BAIAP2L1: variants seen among roughly 807,000 people sequenced by gnomAD.
BAIAP2L1 encodes the protein BAR/IMD domain containing adaptor protein 2 like 1.
Under a neutral mutation model 66.3 loss-of-function variants are expected in BAIAP2L1, and 35 were observed. The ratio of observed to expected loss-of-function variants is 0.53; its 90% CI spans 0.40 to 0.70. The LOEUF is 0.70. Among genes scored for constraint, BAIAP2L1 ranks in the 30% least tolerant of loss-of-function variants. The pLI is 0.00. For missense variants in BAIAP2L1, 622 were observed against 656.9 expected (o/e 0.95, Z 0.58); for synonymous variants, 269 against 248.7 (o/e 1.08, Z -0.77).
chr7:98,300,138 G>A (rs1437466784), intron 12 of BAIAP2L1, among the ~76,000 whole-genome samples: 4 of 152,228 alleles, frequency 2.6e-5, no homozygotes, highest in Admixed American at 6.5e-5. Context: ...GTGCCCTGTG[G>A]CTGCTGGACT....
chr7:98,294,690 G>A (rs1294636510), intron 12 of BAIAP2L1, among the ~76,000 whole-genome samples: 1 of 152,232 alleles, frequency 6.6e-6, no homozygotes, highest in Non-Finnish European at 1.5e-5. Flanking sequence ...TAGTGACTGG[G>A]ATGTGCTTTT....
chr7:98,328,094 G>A (rs374788660), intron 3 of BAIAP2L1, among the ~76,000 whole-genome samples: 4 of 151,956 alleles, frequency 2.6e-5, no homozygotes, highest in African/African-American at 7.2e-5. Flanking sequence ...AGTCTAGAAT[G>A]GATTGCTCAA....
At chr7:98,345,973 G>T (rs1307227261) in intron 3 of BAIAP2L1, among the ~76,000 whole-genome samples, 2 of 152,102 alleles carry the variant, frequency 1.3e-5, no homozygotes, top group Non-Finnish European at 2.9e-5. Flanking sequence ...TGAATGGTTG[G>T]ATACGGTTGG....
chr7:98,299,447 C>T (rs975866906), intron 12 of BAIAP2L1, among the ~76,000 whole-genome samples: 7 of 152,176 alleles, frequency 4.6e-5, no homozygotes, highest in Non-Finnish European at 5.9e-5. Context: ...TGTGAGCCAC[C>T]GTGCCCGGCA....
At chr7:98,389,659 T>G (rs1337235164) in intron 1 of BAIAP2L1, among the ~76,000 whole-genome samples, 1 of 152,126 alleles carries the variant, frequency 6.6e-6, no homozygotes, top group Non-Finnish European at 1.5e-5. Flanking sequence ...GACAGGTTAT[T>G]ACCACGCTTG....
chr7:98,400,786 C>T lies in BAIAP2L1; in HGVS notation c.51+16G>A, dbSNP rs1357814830. Reference sequence around the variant, plus strand: ...GGAAAGCCCTGACCTCCCTGAGCCCCGGGCCCTGGGCTTACCCGGTAGGTG... The same window carrying T: ...GGAAAGCCCTGACCTCCCTGAGCCCTGGGCCCTGGGCTTACCCGGTAGGTG... On this transcript the variant is annotated intron_variant, in intron 1 of 13. Coordinates refer to ENST00000005260, the MANE Select transcript of BAIAP2L1 (RefSeq NM_018842.5). 3.9e-6 allele frequency: 6 copies of T among 1,548,972 alleles called. No homozygotes were observed. The East Asian group carries it at 1.5e-4, about 38-fold the overall frequency.
intron 1 of BAIAP2L1, among the ~76,000 whole-genome samples, chr7:98,380,064 A>G (rs2115798355): frequency 6.6e-6 from 1 of 152,170 alleles, no homozygotes; most frequent in African/African-American, 2.4e-5. Flanking sequence ...CGTATAAATT[A>G]CACCTCAAAA....
At chr7:98,376,525 A>C (rs539321047) in intron 1 of BAIAP2L1, among the ~76,000 whole-genome samples, 1 of 148,992 alleles carries the variant, frequency 6.7e-6, no homozygotes, top group South Asian at 2.1e-4. Flanking sequence ...AAAACAAAAC[A>C]AAACCAACCC....
chr7:98,370,627 G>A (rs570058117), intron 1 of BAIAP2L1, among the ~76,000 whole-genome samples: 24 of 151,932 alleles, frequency 1.6e-4, no homozygotes, highest in African/African-American at 5.3e-4. Flanking sequence ...TCAGCCCCCT[G>A]AGTAGCTGGG....
chr7:98,376,454 C>T (rs3944111), intron 1 of BAIAP2L1, among the ~76,000 whole-genome samples: 38,100 of 151,708 alleles, frequency 0.25, 5,041 homozygotes, highest in East Asian at 0.45. Context: ...GAGGTCACAG[C>T]GAGCCACGAT....
At chr7:98,293,719 C>G in intron 13 of BAIAP2L1, 123 bp from the exon 14 acceptor site, 1 of 865,976 alleles carries the variant, frequency 1.2e-6, no homozygotes. Flanking sequence ...CCAGCTTGTA[C>G]AGGTCCCAGC....
chr7:98,322,571 G>A (rs1801278649), intron 3 of BAIAP2L1, among the ~76,000 whole-genome samples: 1 of 152,168 alleles, frequency 6.6e-6, no homozygotes, highest in South Asian at 2.1e-4. Flanking sequence ...TCCCTGCCCA[G>A]GAGAGAAGGC....
chr7:98,301,562 C>T (rs1425253363), intron 12 of BAIAP2L1, among the ~76,000 whole-genome samples: 1 of 151,528 alleles, frequency 6.6e-6, no homozygotes, highest in African/African-American at 2.4e-5. Context: ...CGTGATCCGC[C>T]CACTTCGGAC....
At chr7:98,361,077 C>G (rs539434587) in intron 2 of BAIAP2L1, among the ~76,000 whole-genome samples, 1 of 152,192 alleles carries the variant, frequency 6.6e-6, no homozygotes, top group South Asian at 2.1e-4. Flanking sequence ...AGATAAGAGG[C>G]TGGGTGTGGT....
chr7:98,308,606 T>G (rs1039530461), intron 9 of BAIAP2L1: 3 of 252,838 alleles, frequency 1.2e-5, no homozygotes, highest in African/African-American at 6.6e-5. Context: ...GGCTGTGCTG[T>G]TCATGTCTCC....
intron 13 of BAIAP2L1, 129 bp downstream of exon 13, chr7:98,293,945 C>A (rs373082160): frequency 7.3e-6 from 8 of 1,100,998 alleles, no homozygotes; most frequent in Middle Eastern, 2.9e-4. Flanking sequence ...CTGCACTCCC[C>A]CATGGCTCCA....
chr7:98,303,435 G>A (rs1387004296), intron 12 of BAIAP2L1, among the ~76,000 whole-genome samples: 3 of 152,168 alleles, frequency 2.0e-5, no homozygotes, highest in Admixed American at 6.5e-5. Flanking sequence ...AACCCAGCCC[G>A]GGAGTGATGT....
intron 1 of BAIAP2L1, among the ~76,000 whole-genome samples, chr7:98,399,591 T>A (rs961991841): frequency 6.6e-6 from 1 of 152,224 alleles, no homozygotes; most frequent in Non-Finnish European, 1.5e-5. Flanking sequence ...TGCCTATACA[T>A]GAACTTAGAG....
chr7:98,329,308 C>T (rs1801441584), intron 3 of BAIAP2L1, among the ~76,000 whole-genome samples: 1 of 152,224 alleles, frequency 6.6e-6, no homozygotes, highest in African/African-American at 2.4e-5. Context: ...CAGAGACTCA[C>T]AGTTCACAGG....
Sources: gnomAD v4.1 joint callset for allele counts (sites outside exome capture counted in the v4.1 genomes callset) on GRCh38, gnomAD v4.1.1 for gene constraint, MANE v1.5 for transcripts, NCBI Gene and HGNC (gene_info 2026-07-23, HGNC 2026-07-21) for gene names.